The following CELF2 variants were observed in gnomAD, a reference collection of about 807,000 sequenced individuals.
CELF2 encodes CUGBP Elav-like family member 2, also known as CUG triplet repeat RNA-binding protein 2.
A neutral mutation model predicts 62.6 loss-of-function variants in CELF2; 8 were observed. The observed-to-expected ratio is 0.13, with a 90% CI of 0.07 to 0.23. CELF2 has a LOEUF of 0.23. Ranked by LOEUF, CELF2 falls within the 10% of genes least tolerant of loss-of-function variation. CELF2 has a pLI of 1.00. For synonymous variants in CELF2, 258 were observed against 250.0 expected (o/e 1.03, Z -0.30); for missense variants, 333 against 671.0 (o/e 0.50, Z 5.56).
the CELF2 span, among the ~76,000 whole-genome samples, chr10:10,651,985 G>A: frequency 2.5e-4 from 37 of 149,526 alleles, no homozygotes; most frequent in Non-Finnish European, 2.5e-4. Context: ...AAAAATTTAG[G>A]AGAATGTATA....
the CELF2 span, among the ~76,000 whole-genome samples, chr10:10,563,544 G>T: frequency 6.6e-6 from 1 of 150,676 alleles, no homozygotes; most frequent in African/African-American, 2.4e-5. Context: ...GGAGACGGAG[G>T]TTGCAGTGAG....
chr10:10,507,663 G>A, the CELF2 span, among the ~76,000 whole-genome samples: 6 of 152,266 alleles, frequency 3.9e-5, no homozygotes, highest in Admixed American at 3.9e-4. Flanking sequence ...GAGAGACCAG[G>A]ATGGAAAGGA....
the CELF2 span, among the ~76,000 whole-genome samples, chr10:10,562,925 A>AT: frequency 0.036 from 5,110 of 141,548 alleles, 174 homozygotes; most frequent in East Asian, 0.11. Context: ...AGTCTAAGGC[A>AT]TTTTTTTTTT....
chr10:10,476,030 G>A, the CELF2 span, among the ~76,000 whole-genome samples: 1 of 152,018 alleles, frequency 6.6e-6, no homozygotes, highest in South Asian at 2.1e-4. Flanking sequence ...AGACTGCTGG[G>A]TTTTTGTTCT....
chr10:11,331,633 A>G lies in CELF2; in HGVS notation c.*2580A>G, dbSNP rs1221168626. On this transcript the variant is annotated 3_prime_UTR_variant, in exon 13 of 13. Transcript: ENST00000633077. ...AAAAAAAACAAAACAAAAAAAGGTT[A>G]CAAAGTTTGTTAACTTGCTATCCTG... 2 of 152,360 alleles carry G rather than the reference A, an allele frequency of 1.3e-5. No individual in the cohort carries two copies. The highest frequency in any genetic ancestry group is 3.8e-4 in the East Asian group (2 of 5,200). The allele number at this position is 152,360 out of a possible 1,614,324, so 9.4% of individuals were successfully genotyped here.
chr10:10,636,542 T>G, the CELF2 span, among the ~76,000 whole-genome samples: 1 of 152,168 alleles, frequency 6.6e-6, no homozygotes, highest in Non-Finnish European at 1.5e-5. Context: ...CATTGTGCAA[T>G]GAAATGGGGA....
chr10:11,186,070 A>G (rs2074784100), intron 2 of CELF2, among the ~76,000 whole-genome samples: 1 of 152,166 alleles, frequency 6.6e-6, no homozygotes, highest in South Asian at 2.1e-4. Context: ...TTCCTTTCAG[A>G]TAATATGTCC....
At chr10:11,052,141 G>A (rs943076366) in intron 1 of CELF2, among the ~76,000 whole-genome samples, 2 of 152,124 alleles carry the variant, frequency 1.3e-5, no homozygotes, top group Admixed American at 1.3e-4. Flanking sequence ...TAGCCATGTT[G>A]TCTAGGCTGG....
the CELF2 span, among the ~76,000 whole-genome samples, chr10:10,641,189 T>A: frequency 6.6e-6 from 1 of 152,160 alleles, no homozygotes; most frequent in South Asian, 2.1e-4. Flanking sequence ...CATACGGTTG[T>A]GGGAATAATT....
At chr10:10,755,542 G>A in the CELF2 span, among the ~76,000 whole-genome samples, 1 of 152,142 alleles carries the variant, frequency 6.6e-6, no homozygotes, top group Non-Finnish European at 1.5e-5. Flanking sequence ...TCCTCAGATT[G>A]GTCTTGACAC....
At chr10:10,770,257 G>A in the CELF2 span, among the ~76,000 whole-genome samples, 10 of 151,672 alleles carry the variant, frequency 6.6e-5, no homozygotes, top group African/African-American at 2.4e-4. Context: ...AAGTGGACCT[G>A]GGAGGCGGAG....
intron 2 of CELF2, among the ~76,000 whole-genome samples, chr10:10,967,774 C>A (rs1349220270): frequency 6.6e-6 from 1 of 152,186 alleles, no homozygotes; most frequent in Non-Finnish European, 1.5e-5. Flanking sequence ...AGCCCAGCAG[C>A]TGGGGCCCTG....
intron 1 of CELF2, among the ~76,000 whole-genome samples, chr10:11,092,113 G>A (rs2048484899): frequency 6.6e-6 from 1 of 152,160 alleles, no homozygotes; most frequent in African/African-American, 2.4e-5. Context: ...CTTCTTCTGA[G>A]AGAATGAAAT....
intron 7 of CELF2, among the ~76,000 whole-genome samples, chr10:11,273,126 T>C (rs1342801050): frequency 6.6e-6 from 1 of 152,114 alleles, no homozygotes; most frequent in Non-Finnish European, 1.5e-5. Flanking sequence ...CACAGACTTT[T>C]CTTGGTTTTA....
the CELF2 span, among the ~76,000 whole-genome samples, chr10:10,715,794 T>C: frequency 1.3e-5 from 2 of 152,210 alleles, no homozygotes; most frequent in Non-Finnish European, 2.9e-5. Context: ...CTGGGAAGCA[T>C]AAATAGCTAT....
At chr10:10,850,221 A>G (rs1209618194) in intron 1 of CELF2, among the ~76,000 whole-genome samples, 1 of 152,216 alleles carries the variant, frequency 6.6e-6, no homozygotes. Context: ...TGGTAGTTTA[A>G]TAATCTCCAG....
intron 3 of CELF2, among the ~76,000 whole-genome samples, chr10:11,225,389 T>A (rs1376769126): frequency 6.6e-6 from 1 of 152,226 alleles, no homozygotes; most frequent in Non-Finnish European, 1.5e-5. Context: ...ATGGTTGGAC[T>A]GAGTGGCCCT....
chr10:10,587,211 G>A, the CELF2 span, among the ~76,000 whole-genome samples: 2 of 152,206 alleles, frequency 1.3e-5, no homozygotes, highest in Admixed American at 6.5e-5. Flanking sequence ...CCCTTGGGCA[G>A]AGTCCACATA....
rs535124199 is a variant in CELF2 at position 11,227,879 on chromosome 10, G to A, written c.354+10372G>A. ...AGGCTTAACTGAGTGACTGTGGGTC[G>A]CTGGGTGTATTTTAATCTGTGACAT... is the stretch of plus-strand genomic sequence containing the variant. On this transcript the variant is annotated intron_variant, in intron 3 of 12. Transcript: ENST00000633077. This position sits in a 1 kb window ranked among gnomAD's most constrained non-coding sequence, Gnocchi z 4.8. Among the ~76,000 whole-genome samples the A allele has an allele frequency of 5.3e-5, 8 of 152,262 alleles. No homozygotes were observed. The South Asian group carries it at 6.2e-4, about 12-fold the overall frequency.
Sources: allele counts gnomAD v4.1 joint callset (sites outside exome capture counted in the v4.1 genomes callset), GRCh38; gene constraint gnomAD v4.1.1; non-coding constraint Gnocchi (gnomAD v3.1); transcripts MANE v1.5; gene names NCBI Gene and HGNC (gene_info 2026-07-23, HGNC 2026-07-21).